SLC60A1: variants seen among roughly 807,000 people sequenced by gnomAD.
The protein encoded by SLC60A1 is solute carrier family 60 member 1, also known as major facilitator superfamily domain containing 4.
At chr1:205,601,034 T>G in the SLC60A1 span, 1 of 152,302 alleles carries the variant, frequency 6.6e-6, no homozygotes, top group Non-Finnish European at 1.5e-5. Context: ...TTTGGTATAC[T>G]AATGTAGTGG....
the SLC60A1 span, chr1:205,600,923 C>T: frequency 6.4e-6 from 1 of 156,024 alleles, no homozygotes; most frequent in African/African-American, 2.4e-5. Context: ...GATTTTCGTG[C>T]TTTTCACTTA....
At chr1:205,593,702 T>C in the SLC60A1 span, among the ~76,000 whole-genome samples, 118 of 152,290 alleles carry the variant, frequency 7.7e-4, no homozygotes, top group African/African-American at 2.6e-3. Context: ...TTTTTTATTA[T>C]ATAAGTCGTA....
the SLC60A1 span, among the ~76,000 whole-genome samples, chr1:205,575,047 T>C: frequency 6.6e-6 from 1 of 152,186 alleles, no homozygotes; most frequent in Non-Finnish European, 1.5e-5. Context: ...TCCCTGGCCT[T>C]GCCCTCAGTC....
the SLC60A1 span, chr1:205,584,910 G>A: frequency 3.7e-6 from 6 of 1,614,128 alleles, no homozygotes; most frequent in Non-Finnish European, 4.2e-6. Context: ...GCCAAAGGAA[G>A]AACCTCAGAG....
chr1:205,584,007 C>T, the SLC60A1 span: 1 of 1,614,038 alleles, frequency 6.2e-7, no homozygotes, highest in Middle Eastern at 1.6e-4. Flanking sequence ...CGGCTGCTGA[C>T]CTGCTGTCCC....
chr1:205,587,795 G>A, the SLC60A1 span, among the ~76,000 whole-genome samples: 1 of 152,144 alleles, frequency 6.6e-6, no homozygotes, highest in African/African-American at 2.4e-5. Context: ...CGATGTCAAA[G>A]GGGAAAGGTT....
the SLC60A1 span, among the ~76,000 whole-genome samples, chr1:205,580,115 C>T: frequency 6.6e-6 from 1 of 152,162 alleles, no homozygotes; most frequent in South Asian, 2.1e-4. This position sits in a 1 kb window ranked among gnomAD's most constrained non-coding sequence, Gnocchi z 5.0. Context: ...GTGATCCCTG[C>T]CCTCACTGCA....
chr1:205,574,174 C>T, the SLC60A1 span, among the ~76,000 whole-genome samples: 10 of 151,762 alleles, frequency 6.6e-5, no homozygotes, highest in East Asian at 1.4e-3. Flanking sequence ...AAGCCAGGTT[C>T]GGTGGCTCAC....
At chr1:205,584,914 C>CT in the SLC60A1 span, 1 of 1,614,134 alleles carries the variant, frequency 6.2e-7, no homozygotes, top group East Asian at 2.2e-5. Flanking sequence ...AAGGAAGAAC[C>CT]TCAGAGGAGC....
the SLC60A1 span, chr1:205,600,700 T>C: frequency 4.0e-6 from 2 of 502,902 alleles, no homozygotes; most frequent in Admixed American, 6.9e-5. Context: ...TGGTAAGAGC[T>C]GTCCAGATAC....
the SLC60A1 span, among the ~76,000 whole-genome samples, chr1:205,588,887 C>T: frequency 2.0e-5 from 3 of 149,296 alleles, no homozygotes; most frequent in South Asian, 4.3e-4. Context: ...GGGCAGTGTG[C>T]CCCAGCACAG....
chr1:205,601,598 TTTTTGA>T, the SLC60A1 span: 2 of 152,242 alleles, frequency 1.3e-5, no homozygotes, highest in Non-Finnish European at 2.9e-5. Context: ...TTTGTTTTTG[TTTTTGA>T]GACAGAGTCT....
the SLC60A1 span, chr1:205,598,850 G>A: frequency 2.2e-6 from 1 of 458,270 alleles, no homozygotes; most frequent in South Asian, 3.2e-5. Context: ...GAGCTTCAGT[G>A]ATGATAGAGA....
chr1:205,579,667 T>C, the SLC60A1 span: 1 of 1,497,252 alleles, frequency 6.7e-7, no homozygotes. Context: ...ATGTCTTGGC[T>C]GCCCAGACCA....
the SLC60A1 span, among the ~76,000 whole-genome samples, chr1:205,590,260 C>A: frequency 6.6e-6 from 1 of 152,152 alleles, no homozygotes; most frequent in Admixed American, 6.5e-5. Flanking sequence ...AATCCTGGGC[C>A]ACCCCAACAT....
chr1:205,590,173 A>T, the SLC60A1 span, among the ~76,000 whole-genome samples: 3 of 152,194 alleles, frequency 2.0e-5, no homozygotes, highest in African/African-American at 7.2e-5. Context: ...GGCTAGAGGG[A>T]TAGATACAAG....
At chr1:205,578,876 A>G in the SLC60A1 span, among the ~76,000 whole-genome samples, 8 of 152,174 alleles carry the variant, frequency 5.3e-5, no homozygotes, top group Non-Finnish European at 1.2e-4. Flanking sequence ...CCTCTCTGAC[A>G]TTAGACTTTC....
At chr1:205,582,250 T>C in the SLC60A1 span, among the ~76,000 whole-genome samples, 3 of 152,242 alleles carry the variant, frequency 2.0e-5, no homozygotes, top group African/African-American at 7.2e-5. Context: ...AAGGTCCGGC[T>C]TAAGCCCGAG....
At chr1:205,580,014 T>C in the SLC60A1 span, 3 of 1,516,352 alleles carry the variant, frequency 2.0e-6, no homozygotes, top group Non-Finnish European at 2.7e-6. This position sits in a 1 kb window ranked among gnomAD's most constrained non-coding sequence, Gnocchi z 5.0. Context: ...CTAGGCCCCC[T>C]CAGTCTCTCC....
Sources: allele counts gnomAD v4.1 joint callset (sites outside exome capture counted in the v4.1 genomes callset), GRCh38; gene constraint gnomAD v4.1.1; non-coding constraint Gnocchi (gnomAD v3.1); transcripts MANE v1.5; gene names NCBI Gene and HGNC (gene_info 2026-07-23, HGNC 2026-07-21).